CCDC171: variants seen among roughly 807,000 people sequenced by gnomAD.
CCDC171 encodes the protein coiled-coil domain-containing protein 171.
Under a neutral mutation model 168.2 loss-of-function variants are expected in CCDC171, and 177 were observed. That is an observed-to-expected ratio of 1.05 (90% CI 0.93 to 1.19). CCDC171 has a LOEUF of 1.19. CCDC171 is among the 50% of genes most tolerant of loss of function. The pLI, the probability that CCDC171 is intolerant of heterozygous loss-of-function variation, is 0.00. For synonymous variants in CCDC171, 687 were observed against 540.8 expected, an observed-to-expected ratio of 1.27 and a Z score of -3.75; for missense variants, 1,991 against 1,539.0, an observed-to-expected ratio of 1.29 and a Z score of -4.91.
At chr9:15,734,902 A>G (rs1439958273) in intron 16 of CCDC171, among the ~76,000 whole-genome samples, 8 of 152,212 alleles carry the variant, frequency 5.3e-5, no homozygotes, top group African/African-American at 1.2e-4. Flanking sequence ...GAGCATAACC[A>G]TAAGTATATT....
At chr9:15,862,730 T>C (rs928146614) in intron 23 of CCDC171, among the ~76,000 whole-genome samples, 1 of 151,984 alleles carries the variant, frequency 6.6e-6, no homozygotes, top group Non-Finnish European at 1.5e-5. Flanking sequence ...TCTATGGGGC[T>C]CTCAAACTTC....
intron 25 of CCDC171, among the ~76,000 whole-genome samples, chr9:15,954,845 T>G (rs1829624922): frequency 6.6e-6 from 1 of 152,136 alleles, no homozygotes; most frequent in Admixed American, 6.5e-5. Context: ...TTGATTTTCT[T>G]CACATCTTTC....
chr9:15,866,313 CA>C (rs1224213503), intron 23 of CCDC171, among the ~76,000 whole-genome samples: 1 of 151,902 alleles, frequency 6.6e-6, no homozygotes, highest in Non-Finnish European at 1.5e-5. Context: ...TTAAGAGCCA[CA>C]AGTCTGAATA....
intron 6 of CCDC171, among the ~76,000 whole-genome samples, chr9:15,603,486 C>T (rs181923894): frequency 5.9e-4 from 90 of 152,268 alleles, no homozygotes; most frequent in African/African-American, 2.0e-3. Context: ...TTCCCACTTA[C>T]AAGTGAGAAC....
At chr9:15,618,370 C>G (rs546783997) in intron 6 of CCDC171, among the ~76,000 whole-genome samples, 3 of 152,166 alleles carry the variant, frequency 2.0e-5, no homozygotes, top group South Asian at 2.1e-4. Flanking sequence ...CTGCTTCCCC[C>G]ACCAAGCTCG....
rs535889020 is a variant in CCDC171, at chr9:15,606,997, G to T, written c.675+12825G>T. 2.0e-5 allele frequency among the ~76,000 whole-genome samples: 3 copies of T among 152,236 alleles called. No individual in the cohort carries two copies. In the South Asian group the frequency reaches 6.2e-4, roughly 32 times the overall value. On this transcript the variant is annotated intron_variant, in intron 6 of 25. Transcript: ENST00000380701. ...AAAAATTTTAAAGTTACATTTATTT[G>T]GGATGAAGGCAAGTTTTTCTGTAAA...
intron 7 of CCDC171, among the ~76,000 whole-genome samples, chr9:15,646,243 G>A (rs1270717725): frequency 6.6e-6 from 1 of 152,096 alleles, no homozygotes; most frequent in African/African-American, 2.4e-5. Context: ...AGCTCCTGAA[G>A]GAAGCAATAA....
intron 2 of CCDC171, among the ~76,000 whole-genome samples, chr9:15,569,764 G>A (rs1220288691): frequency 7.3e-5 from 11 of 151,098 alleles, no homozygotes; most frequent in East Asian, 2.0e-4. Context: ...GCAGTGAGCC[G>A]AGATCGTGCC....
intron 6 of CCDC171, among the ~76,000 whole-genome samples, chr9:15,618,670 T>A (rs1270980384): frequency 1.3e-5 from 2 of 152,176 alleles, no homozygotes; most frequent in Non-Finnish European, 2.9e-5. Flanking sequence ...AATCTCCTGA[T>A]CTGCGGATTG....
chr9:15,765,582 T>C (rs898848112), intron 18 of CCDC171, among the ~76,000 whole-genome samples: 67 of 152,192 alleles, frequency 4.4e-4, no homozygotes, highest in African/African-American at 1.5e-3. Flanking sequence ...TTCTGCTTGC[T>C]ACTATTTAGT....
At chr9:15,642,895 T>G (rs1266691006) in intron 7 of CCDC171, among the ~76,000 whole-genome samples, 1 of 152,120 alleles carries the variant, frequency 6.6e-6, no homozygotes, top group Non-Finnish European at 1.5e-5. Context: ...ATACAAGAAG[T>G]GAAAACTTGA....
At position 15,817,267 on chromosome 9, in the gene CCDC171, G is replaced by A. The variant is rs556479785; in HGVS notation, c.3268-29435G>A. 2.5e-5 allele frequency among the ~76,000 whole-genome samples: 3 copies of A among 118,076 alleles called. 1 individual carries two copies. The highest frequency in any genetic ancestry group is 9.5e-5 in the African/African-American group (3 of 31,582). The allele number at this position is 118,076 out of a possible 152,430, so 77.5% of individuals were successfully genotyped here. On this transcript the variant is annotated intron_variant, in intron 21 of 25. Coordinates refer to ENST00000380701, the MANE Select transcript of CCDC171 (RefSeq NM_173550.4). Reference sequence around the variant, plus strand: ...CTCCAGTCTACAGCTCCCAGTGTGAGCGACGCAGAAGATGGGTGATTTCTG... The same window carrying A: ...CTCCAGTCTACAGCTCCCAGTGTGAACGACGCAGAAGATGGGTGATTTCTG...
chr9:15,790,183 C>A (rs1344506734), intron 21 of CCDC171, among the ~76,000 whole-genome samples: 3 of 152,210 alleles, frequency 2.0e-5, no homozygotes, highest in African/African-American at 7.2e-5. Flanking sequence ...GCATTGTCTT[C>A]CACAATGGTT....
intron 11 of CCDC171, among the ~76,000 whole-genome samples, chr9:15,714,702 A>G (rs2052944976): frequency 6.6e-6 from 1 of 152,170 alleles, no homozygotes; most frequent in Non-Finnish European, 1.5e-5. Context: ...ACAGAGACCC[A>G]TCGTCTTTAT....
At chr9:15,587,111 C>T (rs1433405090) in intron 4 of CCDC171, among the ~76,000 whole-genome samples, 2 of 152,132 alleles carry the variant, frequency 1.3e-5, no homozygotes, top group Non-Finnish European at 2.9e-5. Context: ...CCATGCTCAG[C>T]CCCCAGCTTC....
intron 2 of CCDC171, 67 bp from the exon 3 acceptor site, chr9:15,571,557 T>A: frequency 7.8e-7 from 1 of 1,287,982 alleles, no homozygotes; most frequent in South Asian, 1.6e-5. Context: ...TTATCAAAAA[T>A]ATCAGAAATG....
chr9:15,846,663 C>A, intron 21 of CCDC171, 39 bp from the exon 22 acceptor site: 1 of 1,600,198 alleles, frequency 6.2e-7, no homozygotes, highest in South Asian at 1.1e-5. Flanking sequence ...AGTTAATTAT[C>A]AGGGCTGACA....
rs574168791 is a variant in CCDC171 at position 15,654,874 on chromosome 9, C to T, written c.823-2253C>T. Among the ~76,000 whole-genome samples the T allele has an allele frequency of 1.4e-4, 22 of 152,144 alleles. No individual in the cohort carries two copies. In the South Asian group the frequency reaches 4.6e-3, roughly 32 times the overall value. On this transcript the variant is annotated intron_variant, in intron 7 of 25. Transcript: ENST00000380701. Reference sequence around the variant, plus strand: ...AGGATATGAACAGATGAGTTCATGTCCTTTGTAGGGACATGGATGAAGCTG... The same window carrying T: ...AGGATATGAACAGATGAGTTCATGTTCTTTGTAGGGACATGGATGAAGCTG...
At chr9:15,603,869 A>G (rs979692296) in intron 6 of CCDC171, among the ~76,000 whole-genome samples, 1 of 152,172 alleles carries the variant, frequency 6.6e-6, no homozygotes, top group African/African-American at 2.4e-5. Context: ...ATTCCCACCA[A>G]CACTGTAAAA....
Sources: allele counts gnomAD v4.1 joint callset (sites outside exome capture counted in the v4.1 genomes callset), GRCh38; gene constraint gnomAD v4.1.1; transcripts MANE v1.5; gene names NCBI Gene and HGNC (gene_info 2026-07-23, HGNC 2026-07-21).